The following ANXA3 variants were observed in gnomAD, a reference collection of about 807,000 sequenced individuals.
The protein encoded by ANXA3 is annexin A3.
In ANXA3, 46 loss-of-function variants were observed where a neutral mutation model predicts 48.8. The ratio of observed to expected loss-of-function variants is 0.94; its 90% CI spans 0.74 to 1.21. The LOEUF is 1.21. ANXA3 is among the 50% of genes most tolerant of loss of function. The pLI, the probability that ANXA3 is intolerant of heterozygous loss-of-function variation, is 0.00. For missense variants in ANXA3, 383 were observed against 378.6 expected (o/e 1.01, Z -0.10); for synonymous variants, 128 against 134.7 (o/e 0.95, Z 0.35).
intron 2 of ANXA3, among the ~76,000 whole-genome samples, chr4:78,560,590 A>G (rs965032330): frequency 6.6e-6 from 1 of 152,230 alleles, no homozygotes; most frequent in Non-Finnish European, 1.5e-5. Context: ...TTGGAGTTCC[A>G]TTATGTAGAC....
rs1723399316 is a variant in ANXA3 at position 78,595,417 on chromosome 4, C to T, written c.520C>T (p.Leu174=). ...TGAAAGTCTGAAAGTGGATGAGCATCTGGCCAAACAAGATGCCCAGGTCAG... is the reference window on the plus strand; with the variant it reads ...TGAAAGTCTGAAAGTGGATGAGCATTTGGCCAAACAAGATGCCCAGGTCAG... ...RDESLKVDEH[L]AKQDAQILYK... The change falls in exon 8 of 13, where the codon CTG becomes TTG. Residue 174 remains leucine (L), a synonymous_variant. Transcript: ENST00000264908. The T allele has an allele frequency of 6.2e-7, 1 of 1,613,574 alleles. No homozygotes were observed. Among genetic ancestry groups the T allele is most frequent in the East Asian group, 2.2e-5 (1 of 44,870 alleles).
chr4:78,584,920 A>G (rs946372838), intron 5 of ANXA3, among the ~76,000 whole-genome samples: 1 of 152,254 alleles, frequency 6.6e-6, no homozygotes, highest in African/African-American at 2.4e-5. Flanking sequence ...GCCTCAGTGC[A>G]TAGTGAAGCT....
chr4:78,566,246 C>G (rs890983302), intron 2 of ANXA3, among the ~76,000 whole-genome samples: 3 of 152,128 alleles, frequency 2.0e-5, no homozygotes, highest in Admixed American at 1.3e-4. Flanking sequence ...TCCCTGATTT[C>G]TGAATCTCAT....
At chr4:78,594,968 TA>T (rs1257590161) in intron 7 of ANXA3, among the ~76,000 whole-genome samples, 1 of 151,978 alleles carries the variant, frequency 6.6e-6, no homozygotes. Context: ...ATCCCATCTC[TA>T]AAAAAAATTT....
chr4:78,595,323 T>A (rs1296053701), intron 7 of ANXA3, 58 bp from the exon 8 acceptor site: 22 of 1,569,908 alleles, frequency 1.4e-5, no homozygotes, highest in Non-Finnish European at 1.9e-5. Context: ...GTTGAAGTAC[T>A]ATGTGTTAGA....
At position 78,580,705 on chromosome 4, in the gene ANXA3, C is replaced by G. The variant is rs148115722; in HGVS notation, c.199-1472C>G. On this transcript the variant is annotated intron_variant, in intron 4 of 12. Coordinates refer to ENST00000264908, the MANE Select transcript of ANXA3 (RefSeq NM_005139.3). Reference sequence around the variant, plus strand: ...AGGCCCCCAGGCTCCATTAAGACACCCTTCTCTGAGCTCCCTTTATCAGAT... The same window carrying G: ...AGGCCCCCAGGCTCCATTAAGACACGCTTCTCTGAGCTCCCTTTATCAGAT... Among the ~76,000 whole-genome samples the G allele has an allele frequency of 5.1e-4, 77 of 152,296 alleles. 3 individuals are homozygous for G. In the East Asian group the frequency reaches 0.013, roughly 26 times the overall value.
chr4:78,600,870 A>G (rs1723520784), intron 10 of ANXA3, among the ~76,000 whole-genome samples: 1 of 151,922 alleles, frequency 6.6e-6, no homozygotes, highest in Non-Finnish European at 1.5e-5. Context: ...CGTTTTTGTC[A>G]GTTTCCTTTT....
At chr4:78,563,527 C>T (rs1560440779) in intron 2 of ANXA3, among the ~76,000 whole-genome samples, 1 of 12,558 alleles carries the variant, frequency 8.0e-5, no homozygotes, top group African/African-American at 1.3e-4. Context: ...AGCTTGGTCA[C>T]GTCTTCTGCC....
chr4:78,561,617 T>A (rs1201066324), intron 2 of ANXA3, among the ~76,000 whole-genome samples: 1 of 152,148 alleles, frequency 6.6e-6, no homozygotes, highest in Non-Finnish European at 1.5e-5. Flanking sequence ...TGTTCATGCA[T>A]GTGAATATGC....
chr4:78,578,753 G>A (rs115672037), intron 3 of ANXA3, among the ~76,000 whole-genome samples: 5,993 of 152,038 alleles, frequency 0.039, 412 homozygotes, highest in African/African-American at 0.14. Flanking sequence ...AGGTTGTTTT[G>A]TCTGATGTAC....
At chr4:78,583,626 AAAGAAG>A in intron 5 of ANXA3, among the ~76,000 whole-genome samples, 1 of 150,876 alleles carries the variant, frequency 6.6e-6, no homozygotes, top group Non-Finnish European at 1.5e-5. Context: ...AAAAAAAAAA[AAAGAAG>A]AAGAAGAAGA....
At chr4:78,601,732 T>G in intron 11 of ANXA3, 164 bp downstream of exon 11, 1 of 533,750 alleles carries the variant, frequency 1.9e-6, no homozygotes, top group East Asian at 3.0e-5. Flanking sequence ...ATACACTCTT[T>G]ACACAGACAC....
intron 2 of ANXA3, among the ~76,000 whole-genome samples, chr4:78,559,808 A>G (rs890536914): frequency 6.6e-6 from 1 of 152,176 alleles, no homozygotes; most frequent in Admixed American, 6.5e-5. Flanking sequence ...TGCTTATCTC[A>G]TCTACGGTTT....
chr4:78,584,135 A>T (rs1723126544), intron 5 of ANXA3, among the ~76,000 whole-genome samples: 1 of 152,108 alleles, frequency 6.6e-6, no homozygotes, highest in African/African-American at 2.4e-5. Context: ...AATTCACTCA[A>T]ATATATTTTC....
intron 6 of ANXA3, 84 bp downstream of exon 6, chr4:78,586,434 C>A: frequency 1.0e-6 from 1 of 960,406 alleles, no homozygotes; most frequent in Non-Finnish European, 1.6e-6. Context: ...TCAATCTCTT[C>A]ATGAGGCATT....
chr4:78,609,434 C>A (rs77410668), intron 12 of ANXA3, among the ~76,000 whole-genome samples: 2,820 of 152,288 alleles, frequency 0.019, 39 homozygotes, highest in Non-Finnish European at 0.028. Context: ...GGACAACAGT[C>A]TATTTTTGGT....
chr4:78,571,885 A>T (rs1722847925), intron 2 of ANXA3, among the ~76,000 whole-genome samples: 3 of 152,212 alleles, frequency 2.0e-5, no homozygotes, highest in Admixed American at 2.0e-4. Flanking sequence ...GCAATTCCTG[A>T]AGATCTATGA....
intron 2 of ANXA3, among the ~76,000 whole-genome samples, chr4:78,556,892 G>A (rs2109923266): frequency 6.6e-6 from 1 of 152,302 alleles, no homozygotes; most frequent in South Asian, 2.1e-4. Context: ...AGACCCAAGT[G>A]CGTGTGATCA....
rs1278615980 is a variant in ANXA3, at chr4:78,554,602, AT to A, written c.15+116del. 4.6e-6 allele frequency: 4 copies of A among 867,770 alleles called. No homozygotes were observed. In the African/African-American group the frequency reaches 5.0e-5, roughly 11 times the overall value. 53.8% of individuals were successfully genotyped at this position (867,770 alleles called of 1,614,324 possible). A position where few individuals can be genotyped will look rare whatever the true frequency, so the allele number is the denominator to read the frequency against. ...AAAGTTTTTAAGTTTATCTGGCAAA[AT>A]TAACATGCTAGAAAAGCCAGAGGAT... On this transcript the variant is annotated intron_variant, in intron 2 of 12. Coordinates refer to ENST00000264908, the MANE Select transcript of ANXA3 (RefSeq NM_005139.3).
Sources: gnomAD v4.1 joint callset for allele counts (sites outside exome capture counted in the v4.1 genomes callset) on GRCh38, gnomAD v4.1.1 for gene constraint, MANE v1.5 for transcripts, NCBI Gene and HGNC (gene_info 2026-07-23, HGNC 2026-07-21) for gene names.